Variants in NOS1 observed in about 807,000 individuals in gnomAD.
NOS1 encodes NOS type I.
Under a neutral mutation model 164.5 loss-of-function variants are expected in NOS1, and 51 were observed. That is an observed-to-expected ratio of 0.31 (90% CI 0.25 to 0.39). The LOEUF (loss-of-function observed/expected upper bound fraction) is 0.39. NOS1 is among the 10% of genes least tolerant of loss of function. The pLI, the probability that NOS1 is intolerant of heterozygous loss-of-function variation, is 1.00. For synonymous variants in NOS1, 719 were observed against 745.8 expected (o/e 0.96, Z 0.59); for missense variants, 1,362 against 1,885.6 (o/e 0.72, Z 5.14).
At chr12:117,323,188 G>A (rs970068429) in intron 2 of NOS1, among the ~76,000 whole-genome samples, 3 of 152,202 alleles carry the variant, frequency 2.0e-5, no homozygotes, top group Non-Finnish European at 2.9e-5. Flanking sequence ...AGCAAATGAA[G>A]GGGCCCTTCC....
At chr12:117,263,756 G>C in intron 13 of NOS1, 133 bp downstream of exon 13, 2 of 660,120 alleles carry the variant, frequency 3.0e-6, no homozygotes, top group Non-Finnish European at 5.4e-6. Context: ...AGAAGGCCCA[G>C]GTGGCTGAAG....
Position 117,212,754 on chromosome 12 carries a change from GA to G in NOS1, c.*2554del. On this transcript the variant is annotated 3_prime_UTR_variant, in exon 29 of 29. Coordinates refer to ENST00000317775, the MANE Select transcript of NOS1 (RefSeq NM_000620.5). Reference sequence around the variant, plus strand: ...AAACGGTTGGCTACGAGGCCTGGATGAAAAGCCACCACGAGAGGGCAGTATT... The same window carrying G: ...AAACGGTTGGCTACGAGGCCTGGATGAAAGCCACCACGAGAGGGCAGTATT... 1.0e-6 allele frequency: 1 copy of G among 985,448 alleles called. No homozygotes were observed. The allele number at this position is 985,448 out of a possible 1,614,324, so 61.0% of individuals were successfully genotyped here.
chr12:117,284,149 A>G (rs1239701376), intron 7 of NOS1, among the ~76,000 whole-genome samples: 5 of 152,190 alleles, frequency 3.3e-5, no homozygotes, highest in African/African-American at 1.2e-4. Flanking sequence ...TTTCATGCAA[A>G]GAAGCCACTT....
chr12:117,319,633 A>AT (rs9658287), intron 2 of NOS1, among the ~76,000 whole-genome samples: 3 of 151,710 alleles, frequency 2.0e-5, no homozygotes, highest in Admixed American at 6.6e-5. Context: ...AGTTCTGTGG[A>AT]TTTTTTTTTA....
At chr12:117,306,659 G>A (rs988910355) in intron 3 of NOS1, among the ~76,000 whole-genome samples, 3 of 148,386 alleles carry the variant, frequency 2.0e-5, no homozygotes, top group Non-Finnish European at 1.5e-5. Flanking sequence ...TCGCTCTGTC[G>A]CCCAGGCTGG....
chr12:117,316,575 C>T (rs1446409796), intron 2 of NOS1, among the ~76,000 whole-genome samples: 3 of 152,184 alleles, frequency 2.0e-5, no homozygotes, highest in African/African-American at 7.2e-5. Context: ...TCGGCACTAA[C>T]TAAACATGAG....
intron 1 of NOS1, among the ~76,000 whole-genome samples, chr12:117,355,926 A>AT (rs1876834097): frequency 6.6e-6 from 1 of 151,912 alleles, no homozygotes; most frequent in Admixed American, 6.6e-5. Context: ...CACCTGGCTA[A>AT]TTTTTTTGTA....
chr12:117,221,637 A>G (rs1956707287), intron 26 of NOS1, among the ~76,000 whole-genome samples: 1 of 148,268 alleles, frequency 6.7e-6, no homozygotes, highest in Non-Finnish European at 1.5e-5. Context: ...TTTATTTCTA[A>G]TTATTTATTG....
At chr12:117,303,973 C>T (rs1256354726) in intron 3 of NOS1, among the ~76,000 whole-genome samples, 1 of 152,164 alleles carries the variant, frequency 6.6e-6, no homozygotes, top group African/African-American at 2.4e-5. Flanking sequence ...GAGATTGAGA[C>T]CATCCTGGCT....
chr12:117,258,028 C>G (rs1042013781), intron 16 of NOS1, among the ~76,000 whole-genome samples: 3 of 152,106 alleles, frequency 2.0e-5, no homozygotes, highest in Non-Finnish European at 4.4e-5. Context: ...TGGTCTCGAA[C>G]TCCTGACCTT....
At chr12:117,357,598 TACA>T (rs1876913954) in intron 1 of NOS1, among the ~76,000 whole-genome samples, 1 of 152,134 alleles carries the variant, frequency 6.6e-6, no homozygotes, top group East Asian at 1.9e-4. Flanking sequence ...TCCCAATTTG[TACA>T]ACGAGGGTGA....
chr12:117,359,905 T>C (rs1372586842), intron 1 of NOS1, among the ~76,000 whole-genome samples: 2 of 61,920 alleles, frequency 3.2e-5, no homozygotes, highest in African/African-American at 1.4e-4. Context: ...TATATATATA[T>C]ATATATATAT....
intron 13 of NOS1, among the ~76,000 whole-genome samples, chr12:117,260,871 T>C (rs1197799854): frequency 6.6e-6 from 1 of 152,038 alleles, no homozygotes; most frequent in Non-Finnish European, 1.5e-5. Context: ...AAATCCTTTA[T>C]TAAATCCCAC....
intron 25 of NOS1, among the ~76,000 whole-genome samples, chr12:117,224,250 T>C (rs577727263): frequency 1.4e-4 from 21 of 152,304 alleles, no homozygotes; most frequent in African/African-American, 3.4e-4. Flanking sequence ...TTGGCACTCA[T>C]TAGGTGCTCA....
At chr12:117,310,711 C>T (rs910878006) in intron 3 of NOS1, among the ~76,000 whole-genome samples, 1 of 152,042 alleles carries the variant, frequency 6.6e-6, no homozygotes, top group Admixed American at 6.6e-5. Flanking sequence ...GGTGCTATAT[C>T]ACAGCTCACT....
chr12:117,284,676 A>T (rs1349747904), intron 7 of NOS1, among the ~76,000 whole-genome samples: 1 of 152,140 alleles, frequency 6.6e-6, no homozygotes, highest in East Asian at 1.9e-4. Context: ...GTTGAACGTG[A>T]TGTTTGCTGC....
At chr12:117,281,653 G>A (rs1371182468) in intron 7 of NOS1, among the ~76,000 whole-genome samples, 1 of 151,736 alleles carries the variant, frequency 6.6e-6, no homozygotes, top group Non-Finnish European at 1.5e-5. Context: ...GGCACACATG[G>A]TGAAACCCTG....
chr12:117,235,271 A>G (rs1228724823), intron 20 of NOS1, among the ~76,000 whole-genome samples: 3 of 152,006 alleles, frequency 2.0e-5, no homozygotes, highest in Non-Finnish European at 4.4e-5. Context: ...CTCACTGCAA[A>G]TCCAGTGGCT....
intron 3 of NOS1, among the ~76,000 whole-genome samples, chr12:117,305,380 C>CGTGAACCTGGGAGGCGG (rs1389604047): frequency 6.6e-6 from 1 of 151,282 alleles, no homozygotes; most frequent in Non-Finnish European, 1.5e-5. Context: ...AGAAGAATGG[C>CGTGAACCTGGGAGGCGG]GTGAACCTGG....
Sources: gnomAD v4.1 joint callset for allele counts (sites outside exome capture counted in the v4.1 genomes callset) on GRCh38, gnomAD v4.1.1 for gene constraint, MANE v1.5 for transcripts, NCBI Gene and HGNC (gene_info 2026-07-23, HGNC 2026-07-21) for gene names.